Variants in NFATC2 observed in about 807,000 individuals in gnomAD.
The protein encoded by NFATC2 is nuclear factor of activated T-cells, cytoplasmic 2.
A neutral mutation model predicts 87.3 loss-of-function variants in NFATC2; 22 were observed. The ratio of observed to expected loss-of-function variants is 0.25; its 90% confidence interval spans 0.18 to 0.36. The LOEUF (loss-of-function observed/expected upper bound fraction) is 0.36. Ranked by LOEUF, NFATC2 falls within the 10% of genes least tolerant of loss-of-function variation. The pLI, the probability that NFATC2 is intolerant of heterozygous loss-of-function variation, is 1.00. For missense variants in NFATC2, 1,149 were observed against 1,259.1 expected (o/e 0.91, Z 1.32); for synonymous variants, 565 against 542.2 (o/e 1.04, Z -0.58).
intron 6 of NFATC2, among the ~76,000 whole-genome samples, chr20:51,439,264 C>T (rs1248788712): frequency 6.6e-6 from 1 of 152,212 alleles, no homozygotes; most frequent in African/African-American, 2.4e-5. Context: ...TATACATGGG[C>T]TTGTCTCATC....
intron 6 of NFATC2, among the ~76,000 whole-genome samples, chr20:51,444,336 C>G (rs919998189): frequency 1.3e-5 from 2 of 151,496 alleles, no homozygotes; most frequent in African/African-American, 4.9e-5. Context: ...GAAGAAAACC[C>G]CTACTAGATG....
intron 3 of NFATC2, among the ~76,000 whole-genome samples, chr20:51,477,264 T>C (rs1378081171): frequency 6.6e-6 from 1 of 151,880 alleles, no homozygotes; most frequent in Non-Finnish European, 1.5e-5. Flanking sequence ...AAGCAATGTG[T>C]AGAAAAATAC....
rs746120617 is a variant in NFATC2, at chr20:51,542,473, T to C, written c.27A>G (p.Gln9=). Residue 9 remains glutamine, a synonymous_variant, in exon 1 of 11, where the codon CAA becomes CAG. Coordinates refer to ENST00000371564, the MANE Select transcript of NFATC2 (RefSeq NM_012340.5). Reference sequence around the variant, plus strand: ...GGCCTGGGGCGTCCCCGCCGTCGGGTTGGGGCTGCCGCTCGGGGGCGTTCA... The same window carrying C: ...GGCCTGGGGCGTCCCCGCCGTCGGGCTGGGGCTGCCGCTCGGGGGCGTTCA... MNAPERQP[Q]PDGGDAPGHE... 1.3e-6 allele frequency: 2 copies of C among 1,563,560 alleles called. No individual in the cohort carries two copies. The highest frequency in any genetic ancestry group is 2.3e-5 in the South Asian group (2 of 86,914).
At chr20:51,492,340 AGAG>A (rs2075906554) in intron 3 of NFATC2, among the ~76,000 whole-genome samples, 1 of 152,002 alleles carries the variant, frequency 6.6e-6, no homozygotes, top group Non-Finnish European at 1.5e-5. Flanking sequence ...GAAAAGACAC[AGAG>A]GAGACTGCGC....
intron 3 of NFATC2, among the ~76,000 whole-genome samples, chr20:51,512,955 C>T (rs1311054560): frequency 6.6e-6 from 1 of 152,208 alleles, no homozygotes; most frequent in African/African-American, 2.4e-5. Flanking sequence ...GGAGTTTTCA[C>T]ACTCCCTTGA....
chr20:51,477,852 A>G (rs1988890012), intron 3 of NFATC2, among the ~76,000 whole-genome samples: 3 of 152,112 alleles, frequency 2.0e-5, no homozygotes, highest in African/African-American at 4.8e-5. Flanking sequence ...CTAATGCAAG[A>G]GCCACTAACC....
rs1985870906 is a variant in NFATC2 at position 51,387,307 on chromosome 20, T to C, written c.*4189A>G. 6.6e-6 allele frequency: 1 copy of C among 152,208 alleles called. No homozygotes were observed. Among genetic ancestry groups the C allele is most frequent in the Non-Finnish European group, 1.5e-5 (1 of 68,044 alleles). The allele number at this position is 152,208 out of a possible 1,614,324, so 9.4% of individuals were successfully genotyped here. A position where few individuals can be genotyped will look rare whatever the true frequency, so the allele number is the denominator to read the frequency against. On this transcript the variant is annotated 3_prime_UTR_variant, in exon 11 of 11. Coordinates refer to ENST00000371564, the MANE Select transcript of NFATC2 (RefSeq NM_012340.5). The stretch of plus-strand genomic sequence containing the variant: ...CAATCAGAATGCTGTGAGCACCTGC[T>C]CTAATGGAAACAACATCATTTGCAT...
At chr20:51,540,663 T>TTTTTTGTTTGTTTG (rs1202461916) in intron 1 of NFATC2, among the ~76,000 whole-genome samples, 1,751 of 135,770 alleles carry the variant, frequency 0.013, 41 homozygotes, top group Non-Finnish European at 0.018. Context: ...TTTTTGTTTT[T>TTTTTTGTTTGTTTG]TTTTTTTTGA....
At chr20:51,511,405 G>A (rs59749441) in intron 3 of NFATC2, among the ~76,000 whole-genome samples, 7,337 of 152,294 alleles carry the variant, frequency 0.048, 223 homozygotes, top group African/African-American at 0.068. Flanking sequence ...GTGATGCAGC[G>A]TGTGGCCCCG....
chr20:51,555,580 T>C (rs909298694), intron 1 of NFATC2, among the ~76,000 whole-genome samples: 29 of 149,034 alleles, frequency 1.9e-4, no homozygotes, highest in Admixed American at 1.6e-3. Flanking sequence ...GGCGACAGAG[T>C]GAGACTCCAT....
chr20:51,396,573 G>T (rs1987176141), intron 10 of NFATC2, among the ~76,000 whole-genome samples: 1 of 152,142 alleles, frequency 6.6e-6, no homozygotes, highest in African/African-American at 2.4e-5. Flanking sequence ...GCCCACGAGA[G>T]CCTGGGCCCA....
intron 3 of NFATC2, among the ~76,000 whole-genome samples, chr20:51,510,824 G>A (rs1175720337): frequency 1.3e-5 from 2 of 152,056 alleles, no homozygotes; most frequent in South Asian, 2.1e-4. Context: ...ACCTCGATCC[G>A]GCTGTTAACA....
At chr20:51,509,074 A>C (rs1212079629) in intron 3 of NFATC2, among the ~76,000 whole-genome samples, 1 of 151,742 alleles carries the variant, frequency 6.6e-6, no homozygotes, top group Non-Finnish European at 1.5e-5. Context: ...CTCTCTGTTC[A>C]AGATGTCACC....
intron 10 of NFATC2, 35 bp from the exon 11 acceptor site, chr20:51,391,486 A>G: frequency 6.7e-7 from 1 of 1,490,216 alleles, no homozygotes; most frequent in Non-Finnish European, 9.3e-7. Flanking sequence ...GGGAGAGAGA[A>G]TGGGGCAAGT....
At chr20:51,474,333 A>G (rs1988512893) in intron 4 of NFATC2, among the ~76,000 whole-genome samples, 181 bp from the exon 5 acceptor site, 1 of 152,218 alleles carries the variant, frequency 6.6e-6, no homozygotes, top group South Asian at 2.1e-4. Context: ...GCAATTAGAG[A>G]AATTCCCCAG....
chr20:51,482,298 T>C (rs1989328983), intron 3 of NFATC2, among the ~76,000 whole-genome samples: 1 of 151,452 alleles, frequency 6.6e-6, no homozygotes, highest in African/African-American at 2.4e-5. Flanking sequence ...TCTGCCTATT[T>C]TTAGTGGCAA....
intron 3 of NFATC2, among the ~76,000 whole-genome samples, chr20:51,490,997 C>T (rs1457218421): frequency 6.6e-6 from 1 of 152,112 alleles, no homozygotes; most frequent in African/African-American, 2.4e-5. Context: ...ATTAAGAAAA[C>T]CACCCAGGTC....
chr20:51,526,406 A>G (rs1280367062), intron 1 of NFATC2, among the ~76,000 whole-genome samples: 1 of 152,158 alleles, frequency 6.6e-6, no homozygotes, highest in Non-Finnish European at 1.5e-5. Context: ...CAAAGCCTGA[A>G]ATATTTACTC....
intron 8 of NFATC2, among the ~76,000 whole-genome samples, chr20:51,433,179 G>C (rs1379613086): frequency 6.6e-6 from 1 of 152,106 alleles, no homozygotes; most frequent in Non-Finnish European, 1.5e-5. Context: ...TTTACATGCT[G>C]ATTTATTACC....
Sources: allele counts gnomAD v4.1 joint callset (sites outside exome capture counted in the v4.1 genomes callset), GRCh38; gene constraint gnomAD v4.1.1; transcripts MANE v1.5; gene names NCBI Gene and HGNC (gene_info 2026-07-23, HGNC 2026-07-21).